CPVL: variants seen among roughly 807,000 people sequenced by gnomAD.
The protein encoded by CPVL is probable serine carboxypeptidase CPVL.
Under a neutral mutation model 63.7 loss-of-function variants are expected in CPVL, and 51 were observed. The ratio of observed to expected loss-of-function variants is 0.80; its 90% CI spans 0.64 to 1.01. CPVL has a LOEUF of 1.01. Among genes scored for constraint, CPVL ranks in the 50% least tolerant of loss-of-function variants. The pLI is 0.00. For missense variants in CPVL, 530 were observed against 573.1 expected, an observed-to-expected ratio of 0.92 and a Z score of 0.77; for synonymous variants, 195 against 206.0, an observed-to-expected ratio of 0.95 and a Z score of 0.46.
chr7:29,002,340 CA>C (rs1253794868), intron 12 of CPVL, among the ~76,000 whole-genome samples: 3 of 152,172 alleles, frequency 2.0e-5, no homozygotes, highest in African/African-American at 7.2e-5. Context: ...TTAGTCCTCA[CA>C]AACCTTGAAA....
At chr7:29,087,848 T>C (rs1039679511) in intron 6 of CPVL, among the ~76,000 whole-genome samples, 7 of 152,242 alleles carry the variant, frequency 4.6e-5, no homozygotes, top group African/African-American at 1.2e-4. Context: ...AACACTACTG[T>C]AGAGTTTCGG....
Position 28,995,766 on chromosome 7 carries a change from G to A in CPVL, c.*6C>T. ...AACCTCTGATGTTCTCTTTTGGGAAGGTAGTTTATCCAACATAAGGATCCC... is the reference window on the plus strand; with the variant it reads ...AACCTCTGATGTTCTCTTTTGGGAAAGTAGTTTATCCAACATAAGGATCCC... On this transcript the variant is annotated 3_prime_UTR_variant, in exon 13 of 13. Transcript: ENST00000265394. 1 of 1,503,224 alleles carries A rather than the reference G, an allele frequency of 6.7e-7. No homozygotes were observed. The highest frequency in any genetic ancestry group is 9.2e-7 in the Non-Finnish European group (1 of 1,091,892). 93.1% of individuals were successfully genotyped at this position (1,503,224 alleles called of 1,614,324 possible). A position where few individuals can be genotyped will look rare whatever the true frequency, so the allele number is the denominator to read the frequency against.
At chr7:29,085,835 A>T (rs574998795) in intron 7 of CPVL, among the ~76,000 whole-genome samples, 1 of 152,354 alleles carries the variant, frequency 6.6e-6, no homozygotes, top group East Asian at 1.9e-4. Flanking sequence ...CACTGAGGAA[A>T]AAATCAGACA....
At chr7:29,155,931 T>C (rs1794308416) in intron 5 of CPVL, among the ~76,000 whole-genome samples, 2 of 152,290 alleles carry the variant, frequency 1.3e-5, no homozygotes, top group Non-Finnish European at 2.9e-5. Flanking sequence ...AGCCGATAGA[T>C]CTAGAGACGG....
intron 11 of CPVL, among the ~76,000 whole-genome samples, chr7:29,061,843 G>C (rs1791315639): frequency 6.6e-6 from 1 of 151,932 alleles, no homozygotes; most frequent in Non-Finnish European, 1.5e-5. Flanking sequence ...CTACTTGAGA[G>C]GCTGAGGCAG....
intron 3 of CPVL, among the ~76,000 whole-genome samples, chr7:29,100,201 G>A (rs1296524071): frequency 1.3e-5 from 2 of 152,150 alleles, no homozygotes; most frequent in African/African-American, 2.4e-5. Context: ...GAGTCCAACT[G>A]ATTCCAGCGG....
chr7:29,050,874 A>G (rs1790085708), intron 11 of CPVL, among the ~76,000 whole-genome samples: 1 of 152,196 alleles, frequency 6.6e-6, no homozygotes, highest in Non-Finnish European at 1.5e-5. Context: ...ACAGTCACCA[A>G]AACAGCGTGG....
intron 3 of CPVL, among the ~76,000 whole-genome samples, chr7:29,104,764 C>A (rs1275439484): frequency 1.3e-5 from 2 of 152,136 alleles, no homozygotes; most frequent in Non-Finnish European, 2.9e-5. Context: ...GAAAGTTATA[C>A]TTTATAAGGA....
intron 1 of CPVL, chr7:29,192,183 C>T (rs1363504368): frequency 6.6e-6 from 1 of 152,384 alleles, no homozygotes; most frequent in Non-Finnish European, 1.5e-5. Context: ...GTTTGTTGGC[C>T]TTGTATTCCT....
At chr7:29,075,955 A>ATTTTTT (rs1784197642) in intron 7 of CPVL, among the ~76,000 whole-genome samples, 4 of 9,446 alleles carry the variant, frequency 4.2e-4, no homozygotes, top group South Asian at 4.5e-3. Context: ...TTGTTGAGAT[A>ATTTTTT]GTTTTTTTTT....
At chr7:29,146,753 T>G (rs896353011), upstream of CPVL, 3 of 1,549,824 alleles carry the variant, frequency 1.9e-6, no homozygotes, top group Admixed American at 5.9e-5. Context: ...CAGGTTGGTT[T>G]GTCCCTTTGT....
At chr7:29,054,594 ATT>A (rs1243052405) in intron 11 of CPVL, among the ~76,000 whole-genome samples, 1 of 152,076 alleles carries the variant, frequency 6.6e-6, no homozygotes, top group African/African-American at 2.4e-5. Context: ...ATATGAATTT[ATT>A]TTCTCTCTCC....
chr7:29,139,650 G>A (rs1791645580), intron 1 of CPVL, among the ~76,000 whole-genome samples: 2 of 152,070 alleles, frequency 1.3e-5, no homozygotes, highest in Admixed American at 6.5e-5. Context: ...TGAAACAGAC[G>A]TCTCGGATTT....
intron 5 of CPVL, among the ~76,000 whole-genome samples, chr7:29,152,029 T>C (rs982023458): frequency 6.6e-6 from 1 of 152,190 alleles, no homozygotes; most frequent in Non-Finnish European, 1.5e-5. Context: ...ATGGAAATAG[T>C]GGTTAGTGCA....
intron 1 of CPVL, 38 bp downstream of exon 1, chr7:29,146,391 T>C (rs998656166): frequency 3.8e-6 from 3 of 792,450 alleles, no homozygotes; most frequent in Admixed American, 6.5e-5. Context: ...CCTGTCCCGC[T>C]GAGCTGGCAC....
At chr7:29,178,998 C>G (rs1300659064) in intron 5 of CPVL, among the ~76,000 whole-genome samples, 1 of 152,158 alleles carries the variant, frequency 6.6e-6, no homozygotes, top group Non-Finnish European at 1.5e-5. Flanking sequence ...TTTGCACCTC[C>G]TCAGTTATGG....
intron 9 of CPVL, 128 bp downstream of exon 9, chr7:29,071,645 C>G (rs1783741981): frequency 1.0e-6 from 1 of 1,001,508 alleles, no homozygotes; most frequent in Admixed American, 2.5e-5. Context: ...CTCCCGATCT[C>G]CAATGGAATA....
chr7:29,158,892 T>C (rs1390909602), intron 5 of CPVL, among the ~76,000 whole-genome samples: 1 of 152,244 alleles, frequency 6.6e-6, no homozygotes, highest in African/African-American at 2.4e-5. Context: ...TTGGGGGCTT[T>C]CATTTTGTTC....
Position 29,072,340 on chromosome 7 carries a change from G to A in CPVL, c.693C>T (p.Asn231=), listed in dbSNP as rs147609298. ...NPVREVKINL[N]GIAIGDGYSD... ...AATATCCATCTCCAATAGCAATTCC[G>A]TTCAGGTTGATCTTCACCTCTCTCA... The change falls in exon 8 of 13, where the codon AAC becomes AAT. Residue 231 remains asparagine, a synonymous_variant. Transcript: ENST00000265394. 27 of 1,613,924 alleles carry A rather than the reference G, an allele frequency of 1.7e-5. No homozygotes were observed. Among genetic ancestry groups the A allele is most frequent in the African/African-American group, 9.3e-5 (7 of 74,906 alleles).
Sources: allele counts gnomAD v4.1 joint callset (sites outside exome capture counted in the v4.1 genomes callset), GRCh38; gene constraint gnomAD v4.1.1; transcripts MANE v1.5; gene names NCBI Gene and HGNC (gene_info 2026-07-23, HGNC 2026-07-21).